EYS: variants seen among roughly 807,000 people sequenced by gnomAD.
EYS encodes the protein EGF-like photoreceptor maintenance factor.
In EYS, 250 loss-of-function variants were observed where a neutral mutation model predicts 282.1. The ratio of observed to expected loss-of-function variants is 0.89; its 90% CI spans 0.80 to 0.98. The LOEUF is 0.98. Ranked by LOEUF, EYS falls within the 50% of genes least tolerant of loss-of-function variation. EYS has a pLI of 0.00. For missense variants in EYS, 4,016 were observed against 3,709.0 expected (o/e 1.08, Z -2.15); for synonymous variants, 1,355 against 1,282.9 (o/e 1.06, Z -1.20).
intron 19 of EYS, among the ~76,000 whole-genome samples, chr6:64,875,992 A>G (rs1359529784): frequency 1.3e-5 from 2 of 152,074 alleles, no homozygotes; most frequent in Non-Finnish European, 2.9e-5. Context: ...AGAATCACCA[A>G]TGATAAAGTT....
intron 6 of EYS, among the ~76,000 whole-genome samples, chr6:65,403,474 A>C (rs2150364349): frequency 6.6e-6 from 1 of 152,088 alleles, no homozygotes. Flanking sequence ...TTAAGATTCC[A>C]AGGTAAAAAG....
intron 9 of EYS, among the ~76,000 whole-genome samples, chr6:65,348,442 G>T (rs1044768468): frequency 6.6e-6 from 1 of 151,608 alleles, no homozygotes; most frequent in African/African-American, 2.4e-5. Context: ...TCTCATTTTA[G>T]TTATGATTTG....
rs115237519 is a variant in EYS at position 64,127,621 on chromosome 6, T to C, written c.6425-45619A>G. On this transcript the variant is annotated intron_variant, in intron 31 of 42. Transcript: ENST00000503581. ...CTTGATGTAAAGTAATTGCTTCTAT[T>C]GAAAATGTAATTCACAAGCTTTTGA... 2.7e-3 allele frequency among the ~76,000 whole-genome samples: 405 copies of C among 152,236 alleles called. 1 individual carries two copies. The highest frequency in any genetic ancestry group is 9.0e-3 in the African/African-American group (376 of 41,562).
intron 5 of EYS, among the ~76,000 whole-genome samples, chr6:65,453,140 G>C (rs1764469365): frequency 6.6e-6 from 1 of 151,948 alleles, no homozygotes; most frequent in African/African-American, 2.4e-5. Context: ...GTATGTATGG[G>C]CAGGTTTATT....
chr6:65,704,946 T>C (rs2149855360), intron 1 of EYS, among the ~76,000 whole-genome samples: 1 of 152,332 alleles, frequency 6.6e-6, no homozygotes, highest in East Asian at 1.9e-4. Flanking sequence ...GGTTATCTTC[T>C]GAAGTGTTAG....
chr6:65,455,159 G>A (rs899671745), intron 5 of EYS, among the ~76,000 whole-genome samples: 1 of 151,952 alleles, frequency 6.6e-6, no homozygotes, highest in African/African-American at 2.4e-5. Context: ...GTTTATTTCT[G>A]TCCTCTTTGA....
chr6:64,569,074 C>T (rs1765643504), intron 26 of EYS, among the ~76,000 whole-genome samples: 1 of 136,076 alleles, frequency 7.3e-6, no homozygotes, highest in African/African-American at 2.8e-5. Flanking sequence ...ATCCAAAAAC[C>T]AGAACTCCTG....
chr6:65,365,526 C>CTTTTATG (rs1554188005), intron 8 of EYS, among the ~76,000 whole-genome samples: 3 of 151,542 alleles, frequency 2.0e-5, no homozygotes, highest in African/African-American at 7.2e-5. Context: ...TTAGGTTTCT[C>CTTTTATG]TTTTATTTTG....
At chr6:63,900,081 T>C (rs1773622991) in intron 35 of EYS, among the ~76,000 whole-genome samples, 1 of 152,226 alleles carries the variant, frequency 6.6e-6, no homozygotes, top group Non-Finnish European at 1.5e-5. Context: ...CGGTTTGCTT[T>C]GTACCTTCCT....
At chr6:65,554,326 T>C (rs1185673358) in intron 2 of EYS, among the ~76,000 whole-genome samples, 1 of 152,188 alleles carries the variant, frequency 6.6e-6, no homozygotes, top group Non-Finnish European at 1.5e-5. Flanking sequence ...ATTATTTGAC[T>C]ACATTTTTAT....
In EYS at chr6:65,239,175, C is replaced by T. The variant is rs115556847; in HGVS notation, c.2023+56688G>A. The stretch of plus-strand genomic sequence containing the variant: ...CTCATAGACACAGGCCAAAACAAGA[C>T]ATATCCTGTCTTCACAGGGTGATGC... On this transcript the variant is annotated intron_variant, in intron 12 of 42. Coordinates refer to ENST00000503581, the MANE Select transcript of EYS (RefSeq NM_001142800.2). Among the ~76,000 whole-genome samples the T allele has an allele frequency of 8.3e-3, 1,262 of 152,090 alleles. 12 individuals are homozygous for T. The highest frequency in any genetic ancestry group is 0.029 in the African/African-American group (1,208 of 41,538).
At chr6:65,698,582 A>C (rs2812774) in intron 1 of EYS, among the ~76,000 whole-genome samples, 77,424 of 151,992 alleles carry the variant, frequency 0.51, 21,325 homozygotes, top group Non-Finnish European at 0.61. Context: ...GATTCTATCT[A>C]ACTCAGATGT....
rs1293830525 is a variant in EYS, at chr6:64,230,611, A to G, written c.6405T>C (p.Thr2135=). The G allele has an allele frequency of 1.9e-6, 3 of 1,547,004 alleles. No homozygotes were observed. Among genetic ancestry groups the G allele is most frequent in the African/African-American group, 2.7e-5 (2 of 72,988 alleles). Residue 2135 remains threonine, a synonymous_variant, in exon 31 of 43, where the codon ACT becomes ACC. Transcript: ENST00000503581. ...GATTACCTTTTTCACAGAAGCGGCCAGTGAAATGTAGTGGACAGTCACATT... is the reference window on the plus strand; with the variant it reads ...GATTACCTTTTTCACAGAAGCGGCCGGTGAAATGTAGTGGACAGTCACATT... ...SFQCDCPLHF[T]GRFCEKDAGL...
intron 42 of EYS, 38 bp from the exon 43 acceptor site, chr6:63,721,835 T>G (rs765344788): frequency 6.0e-6 from 9 of 1,499,112 alleles, no homozygotes; most frequent in Non-Finnish European, 5.3e-6. Context: ...TTAGCAACAG[T>G]AAAAGTTTCC....
chr6:64,318,766 A>G (rs1265725923), intron 29 of EYS, among the ~76,000 whole-genome samples: 5 of 151,570 alleles, frequency 3.3e-5, no homozygotes, highest in Non-Finnish European at 7.4e-5. Context: ...TTAAAAAATT[A>G]TTATTTATTT....
intron 12 of EYS, among the ~76,000 whole-genome samples, chr6:65,196,370 A>G (rs535435177): frequency 2.0e-5 from 3 of 152,208 alleles, no homozygotes; most frequent in Admixed American, 2.0e-4. Context: ...TTATAGTATC[A>G]TATTAAGAAA....
chr6:65,156,010 G>T (rs1451555388), intron 12 of EYS, among the ~76,000 whole-genome samples: 3 of 151,400 alleles, frequency 2.0e-5, no homozygotes, highest in Non-Finnish European at 4.4e-5. Context: ...TCAGTCTGTA[G>T]ATTTTAATTG....
At chr6:63,728,844 A>G (rs1303943155) in intron 41 of EYS, among the ~76,000 whole-genome samples, 2 of 152,160 alleles carry the variant, frequency 1.3e-5, no homozygotes, top group South Asian at 4.1e-4. Flanking sequence ...CCTTTGGACA[A>G]ATACCAAGGA....
chr6:63,992,327 C>A (rs781105860), intron 34 of EYS, among the ~76,000 whole-genome samples: 3 of 151,394 alleles, frequency 2.0e-5, no homozygotes, highest in Non-Finnish European at 4.4e-5. Flanking sequence ...TTAAAGATTT[C>A]AACTTATTTT....
Sources: allele counts gnomAD v4.1 joint callset (sites outside exome capture counted in the v4.1 genomes callset), GRCh38; gene constraint gnomAD v4.1.1; transcripts MANE v1.5; gene names NCBI Gene and HGNC (gene_info 2026-07-23, HGNC 2026-07-21).